ZNF577: variants seen among roughly 807,000 people sequenced by gnomAD.
ZNF577 encodes zinc finger protein 577.
ZNF577 carries 14 observed loss-of-function variants against 13.9 expected under a neutral mutation model. The observed-to-expected ratio is 1.00, with a 90% CI of 0.66 to 1.57. The LOEUF is 1.57. ZNF577 is among the 40% of genes most tolerant of loss of function. The probability of loss-of-function intolerance (pLI) is 0.00; values close to 1 mark genes in which losing one functional copy is unlikely to be tolerated. For missense variants in ZNF577, 555 were observed against 579.2 expected, an observed-to-expected ratio of 0.96 and a Z score of 0.43; for synonymous variants, 203 against 202.9, an observed-to-expected ratio of 1.00 and a Z score of 0.00.
intron 9 of ZNF577, chr19:51,825,547 C>T (rs896499254): frequency 6.0e-6 from 1 of 167,074 alleles, no homozygotes; most frequent in African/African-American, 2.4e-5. Context: ...AGGCTTAATA[C>T]ACCCAACATT....
chr19:51,809,202 A>G (rs906863715), intron 10 of ZNF577, among the ~76,000 whole-genome samples: 2 of 152,248 alleles, frequency 1.3e-5, no homozygotes, highest in African/African-American at 2.4e-5. Flanking sequence ...ATTGATAGCT[A>G]TATTTTCAAC....
At chr19:51,846,694 C>T (rs973186804) in intron 5 of ZNF577, among the ~76,000 whole-genome samples, 21 of 151,516 alleles carry the variant, frequency 1.4e-4, no homozygotes, top group African/African-American at 4.9e-4. Context: ...GGCCACAGAG[C>T]GAGACTCCAT....
In ZNF577 at chr19:51,885,717, C is replaced by A. The variant is rs184641352; in HGVS notation, c.-219+1104G>T. Among the ~76,000 whole-genome samples the A allele has an allele frequency of 6.8e-4, 104 of 152,194 alleles. No homozygotes were observed. In the East Asian group the frequency reaches 0.014, roughly 20 times the overall value. On this transcript the variant is annotated intron_variant, in intron 1 of 5. Coordinates refer to ENST00000638348, the MANE Select transcript of ZNF577 (RefSeq NM_001370449.1). ...TAGGGATGGGGTTTCATCATGTTGG[C>A]CAGATGTCTCGAACTCCTGATCTCA...
chr19:51,882,993 ATT>A (rs536929212), intron 1 of ZNF577, among the ~76,000 whole-genome samples: 1,889 of 132,984 alleles, frequency 0.014, 33 homozygotes, highest in African/African-American at 0.044. Flanking sequence ...TTTAAAAAAA[ATT>A]TTTTTTTTTT....
At chr19:51,821,418 G>T (rs886147997) in intron 9 of ZNF577, among the ~76,000 whole-genome samples, 3 of 152,100 alleles carry the variant, frequency 2.0e-5, no homozygotes, top group Non-Finnish European at 2.9e-5. Context: ...TACTAGCATC[G>T]GTGGATAGAG....
Position 51,872,940 on chromosome 19 carries a change from T to G in ZNF577, c.1050A>C (p.Gly350=). ...KLIQHQRTHT[G]ERPYSCRECG... is the part of the protein sequence containing the mutation. ...ATTCTCTGCATGAATATGGTCTCTC[T>G]CCAGTGTGAGTACGCTGATGCTGAA... is the stretch of plus-strand genomic sequence containing the variant. Residue 350 remains glycine (G), a synonymous_variant, in exon 6 of 6, where the codon GGA becomes GGC. Coordinates refer to ENST00000638348, the MANE Select transcript of ZNF577 (RefSeq NM_001370449.1). 1 of 1,614,204 alleles carries G rather than the reference T, an allele frequency of 6.2e-7. No individual in the cohort carries two copies. Among genetic ancestry groups the G allele is most frequent in the African/African-American group, 1.3e-5 (1 of 75,062 alleles).
In ZNF577 at chr19:51,869,001, C is replaced by T. The variant is rs947299806; in HGVS notation, c.*3531G>A. On this transcript the variant is annotated 3_prime_UTR_variant, in exon 6 of 6. Transcript: ENST00000638348. ...GAGTACCCAGGGACACAATGCACTG[C>T]GGAAGGCCGCAGGGACCTCTGCCCA... 6.6e-6 allele frequency among the ~76,000 whole-genome samples: 1 copy of T among 151,936 alleles called. No homozygotes were observed. The highest frequency in any genetic ancestry group is 2.1e-4 in the South Asian group (1 of 4,826).
chr19:51,840,832 C>G (rs1378667037), intron 8 of ZNF577: 1 of 151,896 alleles, frequency 6.6e-6, no homozygotes, highest in Non-Finnish European at 1.5e-5. Flanking sequence ...TTTATCACTC[C>G]CACTGGTTAG....
At chr19:51,852,025 A>G (rs1408793307) in intron 5 of ZNF577, among the ~76,000 whole-genome samples, 1 of 152,204 alleles carries the variant, frequency 6.6e-6, no homozygotes, top group Non-Finnish European at 1.5e-5. Context: ...TAACTTCTAC[A>G]GTGACCTGCT....
At position 51,867,993 on chromosome 19, in the gene ZNF577, A is replaced by G. The variant is rs2084592349; in HGVS notation, c.*4539T>C. On this transcript the variant is annotated 3_prime_UTR_variant, in exon 6 of 6. Transcript: ENST00000638348. ...AGAGCCAGGCAAGTTCTGGTGGGAG[A>G]GCTGACACTGGATTTCTACTCTGAG... 6.6e-6 allele frequency among the ~76,000 whole-genome samples: 1 copy of G among 152,048 alleles called. No individual in the cohort carries two copies. The highest frequency in any genetic ancestry group is 1.5e-5 in the Non-Finnish European group (1 of 68,006).
At position 51,824,570 on chromosome 19, in the gene ZNF577, T is replaced by C. The variant is rs768508303; in HGVS notation, c.*600-12896A>G. The C allele has an allele frequency of 3.1e-6, 5 of 1,614,190 alleles. No individual in the cohort carries two copies. Among genetic ancestry groups the C allele is most frequent in the Non-Finnish European group, 4.2e-6 (5 of 1,180,022 alleles). ...TCTGGCTCAAAGAGATGTTGTTAAA[T>C]GGCAAATACAAAATCATTCTTGTCC... On this transcript the variant is annotated intron_variant and NMD_transcript_variant, in intron 9 of 10. Transcript: ENST00000638827. The surrounding 1 kb of genome is among the most constrained non-coding windows in gnomAD (Gnocchi z 4.7).
chr19:51,876,210 C>A (rs925389119), intron 5 of ZNF577, among the ~76,000 whole-genome samples: 2 of 152,142 alleles, frequency 1.3e-5, no homozygotes, highest in Admixed American at 1.3e-4. Flanking sequence ...CAGCTGAAAT[C>A]TTTAGTATAT....
intron 8 of ZNF577, chr19:51,840,863 A>G (rs1487788250): frequency 6.6e-6 from 1 of 152,238 alleles, no homozygotes; most frequent in Non-Finnish European, 1.5e-5. Flanking sequence ...TTTGAAAAAA[A>G]ACTAATAAAA....
intron 5 of ZNF577, chr19:51,845,054 T>C (rs1181962318): frequency 6.6e-6 from 1 of 152,234 alleles, no homozygotes; most frequent in Non-Finnish European, 1.5e-5. Context: ...AAATTGTATG[T>C]ATTTATCAGT....
rs569869692 is a variant in ZNF577, at chr19:51,831,182, C to T, written c.*599+8711G>A. 2.2e-4 allele frequency among the ~76,000 whole-genome samples: 33 copies of T among 152,210 alleles called. No homozygotes were observed. In the South Asian group the frequency reaches 5.6e-3, roughly 26 times the overall value. ...CCAGGCTGGAGTGCTGTGGTGCGAT[C>T]TTCACTCACCGCAACCTCTGCCTCC... On this transcript the variant is annotated intron_variant and NMD_transcript_variant, in intron 9 of 10. Transcript: ENST00000638827.
downstream of ZNF577, among the ~76,000 whole-genome samples, chr19:51,866,002 C>G (rs560186867): frequency 6.6e-6 from 1 of 151,964 alleles, no homozygotes; most frequent in Non-Finnish European, 1.5e-5. Flanking sequence ...GTAATCCCAG[C>G]TACTCAGAAG....
chr19:51,812,853 G>T (rs1211179687), intron 9 of ZNF577, among the ~76,000 whole-genome samples: 1 of 152,104 alleles, frequency 6.6e-6, no homozygotes, highest in African/African-American at 2.4e-5. Flanking sequence ...AGACGTGGGG[G>T]CTCATGCCTG....
At chr19:51,877,104 A>ATC (rs1309620527) in intron 5 of ZNF577, among the ~76,000 whole-genome samples, 178 bp downstream of exon 5, 20 of 152,216 alleles carry the variant, frequency 1.3e-4, no homozygotes, top group Non-Finnish European at 2.5e-4. Context: ...GGAAGACATT[A>ATC]TCCTTTGAGA....
chr19:51,821,778 G>GA (rs367786697), intron 9 of ZNF577, among the ~76,000 whole-genome samples: 117 of 143,950 alleles, frequency 8.1e-4, no homozygotes, highest in East Asian at 4.0e-3. Context: ...ACATGATGCT[G>GA]AAAAAAAAAA....
Sources: gnomAD v4.1 joint callset for allele counts (sites outside exome capture counted in the v4.1 genomes callset) on GRCh38, gnomAD v4.1.1 for gene constraint, Gnocchi (gnomAD v3.1) non-coding constraint, MANE v1.5 for transcripts, NCBI Gene and HGNC (gene_info 2026-07-23, HGNC 2026-07-21) for gene names.